The following RIPK1 variants were observed in gnomAD, a reference collection of about 807,000 sequenced individuals.
RIPK1 encodes the protein receptor interacting serine/threonine kinase 1.
RIPK1 carries 27 observed loss-of-function variants against 62.4 expected under a neutral mutation model. That is an observed-to-expected ratio of 0.43 (90% CI 0.32 to 0.60). RIPK1 has a LOEUF of 0.60. RIPK1 is among the 20% of genes least tolerant of loss of function. The pLI is 0.07. For missense variants in RIPK1, 735 were observed against 831.0 expected (o/e 0.88, Z 1.42); for synonymous variants, 287 against 303.2 (o/e 0.95, Z 0.55).
At chr6:3,068,318 T>G, upstream of RIPK1, 1 of 985,434 alleles carries the variant, frequency 1.0e-6, no homozygotes, top group East Asian at 1.1e-4. Context: ...AGGTTTCGGT[T>G]TCCTCTTTTA....
In RIPK1 at chr6:3,105,097, C is replaced by G. The variant is rs1195378824; in HGVS notation, c.1007-385C>G. 6.6e-6 allele frequency among the ~76,000 whole-genome samples: 1 copy of G among 152,188 alleles called. No individual in the cohort carries two copies. Among genetic ancestry groups the G allele is most frequent in the African/African-American group, 2.4e-5 (1 of 41,432 alleles). On this transcript the variant is annotated intron_variant, in intron 8 of 10. Coordinates refer to ENST00000259808, the MANE Select transcript of RIPK1 (RefSeq NM_001354930.2). This position sits in a 1 kb window ranked among gnomAD's most constrained non-coding sequence, Gnocchi z 4.5. ...GAACTCCTGACCTCAGGTGATCCGT[C>G]CGCCTCAGCCTCCCAACGTGCTAGG...
chr6:3,065,264 C>CAAAAAAAAAAAAAAAA (rs57722248), upstream of RIPK1, among the ~76,000 whole-genome samples: 1 of 40,620 alleles, frequency 2.5e-5, no homozygotes, highest in African/African-American at 1.1e-4. Context: ...GACTCCGTCT[C>CAAAAAAAAAAAAAAAA]AAAAAAAAAA....
At chr6:3,064,238 G>A (rs993406402), upstream of RIPK1, among the ~76,000 whole-genome samples, 2 of 151,976 alleles carry the variant, frequency 1.3e-5, no homozygotes, top group African/African-American at 4.8e-5. Flanking sequence ...CCTGCAGCGC[G>A]CAGCCGGTTT....
chr6:3,105,330 G>A lies in RIPK1; in HGVS notation c.1007-152G>A. ...TCCTATTATTATTTGTAAAGCTTGTGGGAAGAGGACCATCTCCTAAATGCT... is the reference window on the plus strand; with the variant it reads ...TCCTATTATTATTTGTAAAGCTTGTAGGAAGAGGACCATCTCCTAAATGCT... On this transcript the variant is annotated intron_variant, in intron 8 of 10. Transcript: ENST00000259808. This position sits in a 1 kb window ranked among gnomAD's most constrained non-coding sequence, Gnocchi z 4.5. The A allele has an allele frequency of 1.7e-6, 1 of 592,444 alleles. No individual in the cohort carries two copies. The highest frequency in any genetic ancestry group is 1.8e-5 in the African/African-American group (1 of 54,178). 36.7% of individuals were successfully genotyped at this position (592,444 alleles called of 1,614,324 possible).
intron 7 of RIPK1, among the ~76,000 whole-genome samples, chr6:3,095,458 A>C (rs751832341): frequency 6.6e-6 from 1 of 152,248 alleles, no homozygotes; most frequent in Non-Finnish European, 1.5e-5. Flanking sequence ...TTGTGTAAGC[A>C]TAACCTTGAT....
At chr6:3,070,884 TAGTG>T (rs1236507020) in intron 1 of RIPK1, among the ~76,000 whole-genome samples, 6 of 152,242 alleles carry the variant, frequency 3.9e-5, no homozygotes, top group Admixed American at 6.5e-5. Context: ...TAGCATGTAT[TAGTG>T]AGCCAATAGT....
At chr6:3,064,984 T>C (rs1758311128), upstream of RIPK1, among the ~76,000 whole-genome samples, 1 of 151,892 alleles carries the variant, frequency 6.6e-6, no homozygotes, top group Non-Finnish European at 1.5e-5. Flanking sequence ...GGCTCACGCC[T>C]GTAATCCCAG....
intron 5 of RIPK1, among the ~76,000 whole-genome samples, chr6:3,083,963 G>A (rs979166792): frequency 1.3e-5 from 2 of 152,050 alleles, no homozygotes; most frequent in African/African-American, 4.8e-5. Flanking sequence ...CATATGCTTG[G>A]GAAGTGGCAT....
Position 3,115,146 on chromosome 6 carries a change from G to A in RIPK1, c.*1807G>A, listed in dbSNP as rs995451834. 1 of 152,178 alleles carries A rather than the reference G, an allele frequency of 6.6e-6. No homozygotes were observed. Among genetic ancestry groups the A allele is most frequent in the African/African-American group, 2.4e-5 (1 of 41,440 alleles). 9.4% of individuals were successfully genotyped at this position (152,178 alleles called of 1,614,324 possible). A position where few individuals can be genotyped will look rare whatever the true frequency, so the allele number is the denominator to read the frequency against. ...TTAATGTTCAAAGGCAAGAGGGCAA[G>A]GCATTTTTTAACACTTTTTAAAATA... On this transcript the variant is annotated 3_prime_UTR_variant, in exon 11 of 11. Transcript: ENST00000259808.
upstream of RIPK1, among the ~76,000 whole-genome samples, chr6:3,066,779 A>G (rs956579799): frequency 6.6e-6 from 1 of 152,176 alleles, no homozygotes; most frequent in African/African-American, 2.4e-5. Context: ...GGAGTTTGTT[A>G]GGTTTTGCTC....
At position 3,078,501 on chromosome 6, in the gene RIPK1, C is replaced by T. The variant is rs577991786; in HGVS notation, c.321+566C>T. ...TGATTGGCTGTTTACCATACCTGTCCGCTGCTCTGCAATCTACAGTTCAGA... is the reference window on the plus strand; with the variant it reads ...TGATTGGCTGTTTACCATACCTGTCTGCTGCTCTGCAATCTACAGTTCAGA... On this transcript the variant is annotated intron_variant, in intron 3 of 10. Transcript: ENST00000259808. Among the ~76,000 whole-genome samples, 200 of 152,288 alleles carry T rather than the reference C, an allele frequency of 1.3e-3. 1 individual carries two copies. Among genetic ancestry groups the T allele is most frequent in the African/African-American group, 4.6e-3 (193 of 41,568 alleles).
intron 7 of RIPK1, among the ~76,000 whole-genome samples, chr6:3,094,120 G>C (rs1159903805): frequency 4.4e-5 from 6 of 135,418 alleles, no homozygotes; most frequent in Non-Finnish European, 6.0e-5. Flanking sequence ...GTACCTACCT[G>C]CCGCACCTAG....
At chr6:3,089,511 T>C (rs1464094077) in intron 6 of RIPK1, 70 bp from the exon 7 acceptor site, 3 of 797,508 alleles carry the variant, frequency 3.8e-6, no homozygotes, top group East Asian at 2.7e-5. Flanking sequence ...TCAAAGATAA[T>C]AGATGGCTAA....
intron 9 of RIPK1, among the ~76,000 whole-genome samples, chr6:3,106,594 T>G (rs959308488): frequency 6.6e-6 from 1 of 152,214 alleles, no homozygotes; most frequent in Non-Finnish European, 1.5e-5. Flanking sequence ...CAAATAATAC[T>G]CACCAACATC....
At chr6:3,112,920 A>G in intron 10 of RIPK1, 133 bp from the exon 11 acceptor site, 1 of 677,522 alleles carries the variant, frequency 1.5e-6, no homozygotes, top group East Asian at 2.8e-5. Flanking sequence ...ATCAACAGCT[A>G]TATAACTAAG....
At chr6:3,068,375 C>G (rs1180050949), upstream of RIPK1, 3 of 985,342 alleles carry the variant, frequency 3.0e-6, no homozygotes, top group Non-Finnish European at 2.4e-6. Flanking sequence ...GATCCTCTAG[C>G]CCGCAAGAGA....
chr6:3,102,161 G>A (rs2113681909), intron 7 of RIPK1, among the ~76,000 whole-genome samples: 1 of 152,236 alleles, frequency 6.6e-6, no homozygotes, highest in East Asian at 1.9e-4. Context: ...TGGATATACA[G>A]GTTGAACATC....
intron 1 of RIPK1, among the ~76,000 whole-genome samples, chr6:3,075,788 C>A (rs1243396365): frequency 1.3e-5 from 2 of 151,720 alleles, no homozygotes; most frequent in African/African-American, 4.8e-5. Flanking sequence ...CCTCTCAATT[C>A]AAAGTCTGTA....
chr6:3,097,475 T>TG (rs1760376757), intron 7 of RIPK1, among the ~76,000 whole-genome samples: 1 of 152,208 alleles, frequency 6.6e-6, no homozygotes, highest in Non-Finnish European at 1.5e-5. Flanking sequence ...GAGATGGCAC[T>TG]GTAGAGCAGT....
Sources: gnomAD v4.1 joint callset for allele counts (sites outside exome capture counted in the v4.1 genomes callset) on GRCh38, gnomAD v4.1.1 for gene constraint, Gnocchi (gnomAD v3.1) non-coding constraint, MANE v1.5 for transcripts, NCBI Gene and HGNC (gene_info 2026-07-23, HGNC 2026-07-21) for gene names.